Variants in MYZAP observed in about 807,000 individuals in gnomAD.
MYZAP encodes the protein GRINL1A complex locus upstream.
A neutral mutation model predicts 69.4 loss-of-function variants in MYZAP; 66 were observed. The ratio of observed to expected loss-of-function variants is 0.95; its 90% CI spans 0.78 to 1.17. The LOEUF (loss-of-function observed/expected upper bound fraction) is 1.17, where lower values mean the gene tolerates loss of function less well. Among genes scored for constraint, MYZAP ranks in the 50% most tolerant of loss-of-function variants. The pLI is 0.00. For missense variants in MYZAP, 611 were observed against 556.2 expected (o/e 1.10, Z -0.99); for synonymous variants, 256 against 205.9 (o/e 1.24, Z -2.09).
Position 57,617,087 on chromosome 15 carries a change from A to G in MYZAP, c.163-946A>G, listed in dbSNP as rs114407104. 4.6e-3 allele frequency among the ~76,000 whole-genome samples: 695 copies of G among 152,132 alleles called. 7 individuals carry two copies. Among genetic ancestry groups the G allele is most frequent in the African/African-American group, 0.016 (662 of 41,506 alleles). ...CTACTCTGTCCCCCTGCATCTAAACATAGCCTGCAGTATGGGGAGGTGCTT... is the reference window on the plus strand; with the variant it reads ...CTACTCTGTCCCCCTGCATCTAAACGTAGCCTGCAGTATGGGGAGGTGCTT... On this transcript the variant is annotated intron_variant, in intron 2 of 12. Transcript: ENST00000267853.
intron 11 of MYZAP, among the ~76,000 whole-genome samples, chr15:57,674,432 A>T (rs1163408042): frequency 6.6e-6 from 1 of 152,216 alleles, no homozygotes; most frequent in African/African-American, 2.4e-5. Flanking sequence ...ACGAAAGACT[A>T]ATTAAGTTAT....
At chr15:57,594,437 A>G (rs1050922965) in intron 1 of MYZAP, among the ~76,000 whole-genome samples, 1 of 152,210 alleles carries the variant, frequency 6.6e-6, no homozygotes, top group African/African-American at 2.4e-5. Context: ...TTTGAGTTTA[A>G]TCTTGCAGGA....
At chr15:57,682,562 C>G (rs1023806711) in intron 12 of MYZAP, among the ~76,000 whole-genome samples, 3 of 152,142 alleles carry the variant, frequency 2.0e-5, no homozygotes, top group Non-Finnish European at 4.4e-5. Context: ...TAATCCTTCC[C>G]TAGTCAACCC....
intron 10 of MYZAP, among the ~76,000 whole-genome samples, chr15:57,659,967 A>G (rs2038199794): frequency 6.6e-6 from 1 of 152,100 alleles, no homozygotes; most frequent in African/African-American, 2.4e-5. Flanking sequence ...TTGCAAATAC[A>G]TGTGCATTCA....
intron 9 of MYZAP, among the ~76,000 whole-genome samples, chr15:57,637,991 G>A (rs568288986): frequency 6.6e-6 from 1 of 152,252 alleles, no homozygotes; most frequent in Non-Finnish European, 1.5e-5. Context: ...TTAGTGTAGT[G>A]GAACACATCA....
At chr15:57,609,146 G>A (rs2034949223) in intron 2 of MYZAP, among the ~76,000 whole-genome samples, 1 of 152,170 alleles carries the variant, frequency 6.6e-6, no homozygotes, top group South Asian at 2.1e-4. Context: ...GAGAAATGAG[G>A]TTGAGTCTTT....
chr15:57,647,574 G>T (rs1387835874), intron 10 of MYZAP: 54 of 985,320 alleles, frequency 5.5e-5, no homozygotes, highest in Non-Finnish European at 6.3e-5. Context: ...TTTCAGGGTG[G>T]TGTGCTTTCT....
At chr15:57,644,744 G>A (rs1378152907) in intron 10 of MYZAP, among the ~76,000 whole-genome samples, 2 of 152,186 alleles carry the variant, frequency 1.3e-5, no homozygotes, top group African/African-American at 4.8e-5. Context: ...GGGATTACAG[G>A]CGTGAGCCAC....
At chr15:57,655,638 A>G (rs1441336631) in intron 10 of MYZAP, among the ~76,000 whole-genome samples, 1 of 152,144 alleles carries the variant, frequency 6.6e-6, no homozygotes, top group Non-Finnish European at 1.5e-5. Flanking sequence ...AACTAAAAGA[A>G]CTTTTATTTC....
intron 10 of MYZAP, among the ~76,000 whole-genome samples, chr15:57,641,587 C>T (rs1471982421): frequency 1.3e-5 from 2 of 152,114 alleles, no homozygotes; most frequent in African/African-American, 4.8e-5. Flanking sequence ...ATTTAGGATG[C>T]CATCAGAGTT....
intron 2 of MYZAP, among the ~76,000 whole-genome samples, chr15:57,616,821 G>GC (rs1257671859): frequency 7.5e-5 from 4 of 53,318 alleles, no homozygotes; most frequent in South Asian, 7.4e-4. Flanking sequence ...AAAAAAAAGT[G>GC]CTTTTTTTTT....
intron 12 of MYZAP, among the ~76,000 whole-genome samples, chr15:57,678,322 C>T (rs1412992915): frequency 6.6e-6 from 1 of 151,912 alleles, no homozygotes; most frequent in East Asian, 1.9e-4. Context: ...AGATCATGCC[C>T]CTGCACTCCA....
At chr15:57,618,950 T>G (rs1316342181) in intron 3 of MYZAP, among the ~76,000 whole-genome samples, 1 of 152,114 alleles carries the variant, frequency 6.6e-6, no homozygotes, top group Non-Finnish European at 1.5e-5. Flanking sequence ...TAAGAGGCAG[T>G]GTAGGGGCAG....
At chr15:57,642,670 T>C (rs1461950305) in intron 10 of MYZAP, among the ~76,000 whole-genome samples, 1 of 152,238 alleles carries the variant, frequency 6.6e-6, no homozygotes, top group African/African-American at 2.4e-5. Context: ...GCTTCTTTTG[T>C]TTAGCTCAAA....
At chr15:57,626,944 C>T (rs1160281299) in intron 5 of MYZAP, among the ~76,000 whole-genome samples, 2 of 152,286 alleles carry the variant, frequency 1.3e-5, no homozygotes, top group Admixed American at 1.3e-4. Context: ...CCAGCTTTCC[C>T]CTGGCCTCAG....
rs568078026 is a variant in MYZAP, at chr15:57,642,894, T to C, written c.1119+3349T>C. ...ATGTAGGAAGGGCTCATGGTGGGGG[T>C]GAGCCCTTTTGAAATGAAGGATTAG... On this transcript the variant is annotated intron_variant, in intron 10 of 12. Transcript: ENST00000267853. Among the ~76,000 whole-genome samples, 3 of 152,174 alleles carry C rather than the reference T, an allele frequency of 2.0e-5. No homozygotes were observed. In the South Asian group the frequency reaches 6.2e-4, roughly 32 times the overall value.
intron 12 of MYZAP, among the ~76,000 whole-genome samples, chr15:57,682,711 T>A (rs2039505104): frequency 1.3e-5 from 2 of 152,198 alleles, no homozygotes; most frequent in Non-Finnish European, 2.9e-5. Context: ...GGCCTCATCT[T>A]CTGCCACTCT....
rs185240042 is a variant in MYZAP, at chr15:57,597,021, T to C, written c.75+4912T>C. On this transcript the variant is annotated intron_variant, in intron 1 of 12. Transcript: ENST00000267853. ...AACAGAAATCTCACCAGGTCCTACG[T>C]AGAGGAGCCACAGTTAACATTGAAT... 2.0e-3 allele frequency among the ~76,000 whole-genome samples: 302 copies of C among 152,262 alleles called. 1 individual carries two copies. The highest frequency in any genetic ancestry group is 3.3e-3 in the Non-Finnish European group (226 of 68,016).
At chr15:57,615,956 G>GCAAAA (rs3051231) in intron 2 of MYZAP, among the ~76,000 whole-genome samples, 69,402 of 151,454 alleles carry the variant, frequency 0.46, 16,367 homozygotes, top group East Asian at 0.56. Flanking sequence ...TTGAAACGAA[G>GCAAAA]CAAAACAAAA....
Sources: allele counts gnomAD v4.1 joint callset (sites outside exome capture counted in the v4.1 genomes callset), GRCh38; gene constraint gnomAD v4.1.1; transcripts MANE v1.5; gene names NCBI Gene and HGNC (gene_info 2026-07-23, HGNC 2026-07-21).